The following TSC22D1 variants were observed in gnomAD, a reference collection of about 807,000 sequenced individuals.
TSC22D1 encodes TSC22 domain family member 1.
Under a neutral mutation model 74.2 loss-of-function variants are expected in TSC22D1, and 9 were observed. The ratio of observed to expected loss-of-function variants is 0.12; its 90% CI spans 0.07 to 0.21. The LOEUF is 0.21. Among genes scored for constraint, TSC22D1 ranks in the 10% least tolerant of loss-of-function variants. TSC22D1 has a pLI of 1.00. For missense variants in TSC22D1, 1,427 were observed against 1,304.7 expected, an observed-to-expected ratio of 1.09 and a Z score of -1.44; for synonymous variants, 586 against 492.5, an observed-to-expected ratio of 1.19 and a Z score of -2.51.
Position 44,446,344 on chromosome 13 carries a change from C to T in TSC22D1, c.2913-10249G>A, listed in dbSNP as rs111771202. The stretch of plus-strand genomic sequence containing the variant: ...AGACAAAAACCAGATCAGAAGTTCC[C>T]AGAAACTTGGGGTAGGGGAGGGAGG... On this transcript the variant is annotated intron_variant, in intron 1 of 2. Coordinates refer to ENST00000458659, the MANE Select transcript of TSC22D1 (RefSeq NM_183422.4). 1.5e-3 allele frequency among the ~76,000 whole-genome samples: 221 copies of T among 152,162 alleles called. 2 individuals carry two copies. The highest frequency in any genetic ancestry group is 5.1e-3 in the African/African-American group (211 of 41,530).
intron 1 of TSC22D1, chr13:44,437,402 T>C (rs1426223850): frequency 6.6e-6 from 2 of 305,320 alleles, no homozygotes; most frequent in African/African-American, 4.5e-5. Flanking sequence ...CCTGCAATCA[T>C]GTATTTTTTT....
intron 1 of TSC22D1, among the ~76,000 whole-genome samples, chr13:44,482,957 G>A (rs1161929131): frequency 6.6e-6 from 1 of 152,122 alleles, no homozygotes; most frequent in Non-Finnish European, 1.5e-5. Flanking sequence ...TGCAACAAGT[G>A]CTAAAGCCGG....
At chr13:44,532,826 G>A (rs1346997122) in intron 1 of TSC22D1, among the ~76,000 whole-genome samples, 1 of 152,116 alleles carries the variant, frequency 6.6e-6, no homozygotes, top group East Asian at 1.9e-4. Context: ...TAAGAGGTAA[G>A]AATATGGGGA....
At chr13:44,476,777 T>C (rs966095695) in intron 1 of TSC22D1, among the ~76,000 whole-genome samples, 3 of 151,962 alleles carry the variant, frequency 2.0e-5, no homozygotes, top group African/African-American at 7.3e-5. Flanking sequence ...CCTGGGCTCA[T>C]GTGATCCTCC....
intron 1 of TSC22D1, among the ~76,000 whole-genome samples, chr13:44,503,144 G>A (rs1879290345): frequency 6.6e-6 from 1 of 152,280 alleles, no homozygotes; most frequent in East Asian, 1.9e-4. Flanking sequence ...GCTAATATGT[G>A]TATATTAAAC....
Position 44,575,847 on chromosome 13 carries a change from T to G in TSC22D1, c.228A>C (p.Gly76=), listed in dbSNP as rs1595186176. 1 of 1,613,842 alleles carries G rather than the reference T, an allele frequency of 6.2e-7. No individual in the cohort carries two copies. Among genetic ancestry groups the G allele is most frequent in the African/African-American group, 1.3e-5 (1 of 74,928 alleles). Residue 76 remains glycine, a synonymous_variant, in exon 1 of 3, where the codon GGA becomes GGC. Coordinates refer to ENST00000458659, the MANE Select transcript of TSC22D1 (RefSeq NM_183422.4). ...PPPPAASSTS[G]PQPPPPQSLN... ...GGCTTTGTGGAGGCGGAGGCTGTGG[T>G]CCCGACGTAGAAGATGCTGCAGGGG...
chr13:44,459,356 C>T (rs1462740734), intron 1 of TSC22D1, among the ~76,000 whole-genome samples: 1 of 152,210 alleles, frequency 6.6e-6, no homozygotes, highest in Admixed American at 6.5e-5. Flanking sequence ...GAGCTACCCA[C>T]TATGGATATC....
rs1322939861 is a variant in TSC22D1 at position 44,574,033 on chromosome 13, G to A, written c.2042C>T (p.Thr681Ile). 1 of 1,614,146 alleles carries A rather than the reference G, an allele frequency of 6.2e-7. No individual in the cohort carries two copies. Among genetic ancestry groups the A allele is most frequent in the Admixed American group, 1.7e-5 (1 of 60,036 alleles). Residue 681 changes from threonine to isoleucine, a missense_variant, in exon 1 of 3, where the codon ACA becomes ATA. This residue lies in a region of TSC22D1 where 1,343 missense variants were observed against 1,191.5 expected (regional missense o/e 1.13). Coordinates refer to ENST00000458659, the MANE Select transcript of TSC22D1 (RefSeq NM_183422.4). ...TGGCTGAGCCACAGGAATCACTGTT[G>A]TTCCTGCTCCTACTCCTGCAGAACT... ...QPSSAGVGAGTTVIPVAQPQG... is the reference protein window; with the variant it reads ...QPSSAGVGAGITVIPVAQPQG...
At chr13:44,560,034 T>C (rs1341300515) in intron 1 of TSC22D1, among the ~76,000 whole-genome samples, 1 of 152,136 alleles carries the variant, frequency 6.6e-6, no homozygotes, top group Non-Finnish European at 1.5e-5. Context: ...AAAGCTTCCT[T>C]ATGAAAGAAA....
intron 1 of TSC22D1, among the ~76,000 whole-genome samples, chr13:44,438,151 G>A (rs1874891562): frequency 6.6e-6 from 1 of 152,158 alleles, no homozygotes; most frequent in Non-Finnish European, 1.5e-5. Context: ...ATGCGAGAAA[G>A]AAAACTTAAC....
chr13:44,573,331 C>T lies in TSC22D1; in HGVS notation c.2744G>A (p.Arg915His), dbSNP rs779099613. ...GCCAACTAAGGAGGGCTCCGCTGCA[C>T]GCCTGGCATCTTCAATTTGGCTTCC... Reference protein sequence around the residue: ...AIGSQIEDARRAAEPSLVGLP... With the variant: ...AIGSQIEDARHAAEPSLVGLP... Residue 915 changes from arginine to histidine, a missense_variant, in exon 1 of 3, where the codon CGT becomes CAT. This residue lies in a region of TSC22D1 where 1,343 missense variants were observed against 1,191.5 expected (regional missense o/e 1.13). Transcript: ENST00000458659. 61 of 1,614,120 alleles carry T rather than the reference C, an allele frequency of 3.8e-5. No homozygotes were observed. The highest frequency in any genetic ancestry group is 5.0e-5 in the Admixed American group (3 of 60,006).
chr13:44,436,935 C>T (rs1306304416), intron 1 of TSC22D1: 18 of 1,037,578 alleles, frequency 1.7e-5, no homozygotes, highest in Non-Finnish European at 2.1e-5. Flanking sequence ...TGGGACCGCC[C>T]CCTACTCCCT....
intron 1 of TSC22D1, among the ~76,000 whole-genome samples, chr13:44,554,275 G>C (rs1383824025): frequency 6.6e-6 from 1 of 152,140 alleles, no homozygotes; most frequent in Non-Finnish European, 1.5e-5. Context: ...AGAGGTAGCA[G>C]AAATAAGATG....
At chr13:44,444,319 GAA>G (rs141822409) in intron 1 of TSC22D1, among the ~76,000 whole-genome samples, 1 of 88,528 alleles carries the variant, frequency 1.1e-5, no homozygotes, top group Non-Finnish European at 2.3e-5. Flanking sequence ...GAAAAGAAAA[GAA>G]AAAGAAAAAA....
At chr13:44,516,366 C>CT (rs758657860) in intron 1 of TSC22D1, 4 of 454,068 alleles carry the variant, frequency 8.8e-6, no homozygotes, top group Non-Finnish European at 1.7e-5. Context: ...AACAAATTCT[C>CT]TTAATAGTCT....
intron 1 of TSC22D1, among the ~76,000 whole-genome samples, chr13:44,551,417 T>G (rs1367009455): frequency 6.6e-6 from 1 of 151,410 alleles, no homozygotes; most frequent in Admixed American, 6.6e-5. Context: ...TGTGTGTGTG[T>G]GTGTGTGTGT....
chr13:44,573,514 G>A lies in TSC22D1; in HGVS notation c.2561C>T (p.Pro854Leu). The change falls in exon 1 of 3, where the codon CCA becomes CTA. Residue 854 changes from proline (P) to leucine (L), a missense_variant. This residue lies in a region of TSC22D1 where 1,343 missense variants were observed against 1,191.5 expected (regional missense o/e 1.13). Coordinates refer to ENST00000458659, the MANE Select transcript of TSC22D1 (RefSeq NM_183422.4). ...AGCAGGGGTTTGTGCTATATTTTGT[G>A]GTGGAACCAAGTTTGTTGGGGCAGA... ...MPSAPTNLVP[P>L]QNIAQTPATQ... 1 of 1,614,182 alleles carries A rather than the reference G, an allele frequency of 6.2e-7. No individual in the cohort carries two copies. The highest frequency in any genetic ancestry group is 8.5e-7 in the Non-Finnish European group (1 of 1,180,052).
chr13:44,533,304 T>C (rs1186886972), intron 1 of TSC22D1, among the ~76,000 whole-genome samples: 2 of 142,446 alleles, frequency 1.4e-5, no homozygotes, highest in Non-Finnish European at 3.1e-5. Context: ...CTACTAGAAG[T>C]ACAAAAAATT....
chr13:44,441,848 G>A (rs1167473715), intron 1 of TSC22D1, among the ~76,000 whole-genome samples: 2 of 152,050 alleles, frequency 1.3e-5, no homozygotes, highest in Non-Finnish European at 2.9e-5. Flanking sequence ...CTGCTTCCAG[G>A]CTTCAGCAGA....
Sources: gnomAD v4.1 joint callset for allele counts (sites outside exome capture counted in the v4.1 genomes callset) on GRCh38, gnomAD v4.1.1 for gene constraint, gnomAD v4.1.1 regional missense constraint, MANE v1.5 for transcripts, NCBI Gene and HGNC (gene_info 2026-07-23, HGNC 2026-07-21) for gene names.